Variants in EML1 observed in about 807,000 individuals in gnomAD.
EML1 encodes the protein echinoderm microtubule-associated protein-like 1.
Under a neutral mutation model 110.4 loss-of-function variants are expected in EML1, and 27 were observed. The observed-to-expected ratio is 0.24, with a 90% CI of 0.18 to 0.34. EML1 has a LOEUF of 0.34. EML1 is among the 10% of genes least tolerant of loss of function. The pLI is 1.00. For missense variants in EML1, 741 were observed against 1,030.9 expected (o/e 0.72, Z 3.85); for synonymous variants, 344 against 385.8 (o/e 0.89, Z 1.27).
At chr14:99,864,690 TAATCCCAG>T (rs1333745402) in intron 2 of EML1, among the ~76,000 whole-genome samples, 1 of 151,534 alleles carries the variant, frequency 6.6e-6, no homozygotes, top group Non-Finnish European at 1.5e-5. Flanking sequence ...CCAGCACCTG[TAATCCCAG>T]CTACTCAGGA....
chr14:99,792,261 C>G (rs1237818739), upstream of EML1, among the ~76,000 whole-genome samples: 2 of 152,202 alleles, frequency 1.3e-5, no homozygotes, highest in Non-Finnish European at 2.9e-5. Context: ...TTCACCTACT[C>G]TATTCAACCT....
intron 17 of EML1, among the ~76,000 whole-genome samples, chr14:99,931,419 G>A (rs1026991836): frequency 1.3e-5 from 2 of 152,198 alleles, no homozygotes; most frequent in African/African-American, 4.8e-5. Context: ...GGCGCTGTTG[G>A]GCTTGACTGA....
At chr14:99,817,262 G>A (rs1180468448) in intron 1 of EML1, among the ~76,000 whole-genome samples, 2 of 152,200 alleles carry the variant, frequency 1.3e-5, no homozygotes, top group Non-Finnish European at 2.9e-5. Flanking sequence ...TGAAAATGAT[G>A]TTCCCTCAGA....
At chr14:99,937,375 A>T (rs1182443928) in intron 19 of EML1, among the ~76,000 whole-genome samples, 1 of 152,156 alleles carries the variant, frequency 6.6e-6, no homozygotes, top group Non-Finnish European at 1.5e-5. Flanking sequence ...GGGAACACAC[A>T]AGTCCCCTGG....
intron 17 of EML1, among the ~76,000 whole-genome samples, chr14:99,934,175 G>A (rs2060425312): frequency 6.6e-6 from 1 of 152,176 alleles, no homozygotes; most frequent in Non-Finnish European, 1.5e-5. Context: ...TGTGTTTATT[G>A]CGGTCATCGT....
intron 3 of EML1, among the ~76,000 whole-genome samples, chr14:99,866,732 A>G (rs929962270): frequency 4.6e-5 from 7 of 152,154 alleles, no homozygotes; most frequent in East Asian, 1.9e-4. Context: ...GCCCTTGGCA[A>G]CCACCTCTCT....
At chr14:99,790,828 A>G (rs1426637816), upstream of EML1, among the ~76,000 whole-genome samples, 1 of 138,366 alleles carries the variant, frequency 7.2e-6, no homozygotes, top group African/African-American at 2.8e-5. Flanking sequence ...CCCTCCCCCC[A>G]TTTCCTTTCC....
chr14:99,752,779 G>T (rs757087155), intron 1 of EML1, among the ~76,000 whole-genome samples: 24 of 152,190 alleles, frequency 1.6e-4, no homozygotes, highest in Non-Finnish European at 3.4e-4. Context: ...AGAAAACAGG[G>T]TCAGTCGGGA....
At chr14:99,740,509 A>G (rs1157128739) in intron 1 of EML1, among the ~76,000 whole-genome samples, 1 of 152,208 alleles carries the variant, frequency 6.6e-6, no homozygotes, top group Non-Finnish European at 1.5e-5. Flanking sequence ...AAAATTCTGC[A>G]GAGCAGGAGC....
chr14:99,755,976 G>A (rs985756367), intron 1 of EML1, among the ~76,000 whole-genome samples: 18 of 152,294 alleles, frequency 1.2e-4, no homozygotes, highest in African/African-American at 3.8e-4. Context: ...GTCCCCTGCC[G>A]GCAAGTGGCA....
At chr14:99,909,577 G>T in intron 11 of EML1, 98 bp downstream of exon 11, 1 of 1,495,256 alleles carries the variant, frequency 6.7e-7, no homozygotes. Context: ...ACAATCCCTT[G>T]GGATCCCTCA....
At chr14:99,779,646 T>G (rs886186445) in intron 1 of EML1, among the ~76,000 whole-genome samples, 3 of 152,226 alleles carry the variant, frequency 2.0e-5, no homozygotes, top group Admixed American at 6.5e-5. Flanking sequence ...CTTCGTCATA[T>G]TCCCTAAAAA....
intron 4 of EML1, among the ~76,000 whole-genome samples, chr14:99,882,126 TTATG>T (rs2059395242): frequency 6.6e-6 from 1 of 152,244 alleles, no homozygotes; most frequent in South Asian, 2.1e-4. Flanking sequence ...GTATTTTACT[TTATG>T]TATTATTGAT....
At chr14:99,822,102 T>G (rs117232270) in intron 1 of EML1, among the ~76,000 whole-genome samples, 4,724 of 152,290 alleles carry the variant, frequency 0.031, 94 homozygotes, top group Non-Finnish European at 0.041. Context: ...CTCCAGGTGG[T>G]TGCAGATGAT....
At chr14:99,899,614 ACCTGCATTAATATT>A (rs2059727362) in intron 8 of EML1, 3 of 152,016 alleles carry the variant, frequency 2.0e-5, no homozygotes, top group Admixed American at 2.0e-4. Flanking sequence ...ACTGCGCCTG[ACCTGCATTAATATT>A]TTATACTTGA....
At chr14:99,921,920 G>A (rs1237189776) in intron 17 of EML1, among the ~76,000 whole-genome samples, 1 of 152,032 alleles carries the variant, frequency 6.6e-6, no homozygotes, top group East Asian at 1.9e-4. Context: ...CTCACCCCCA[G>A]TCCGAGGAAA....
At chr14:99,844,532 T>C (rs10484070) in intron 1 of EML1, among the ~76,000 whole-genome samples, 89,722 of 151,506 alleles carry the variant, frequency 0.59, 28,011 homozygotes, top group Non-Finnish European at 0.69. Flanking sequence ...CTTACTTAAA[T>C]GCTCATAAAA....
chr14:99,892,317 C>A, intron 5 of EML1: 2 of 557,418 alleles, frequency 3.6e-6, no homozygotes, highest in Non-Finnish European at 2.3e-6. Flanking sequence ...GTGTTGCAAA[C>A]CACTTCGATT....
intron 1 of EML1, among the ~76,000 whole-genome samples, chr14:99,759,824 T>C (rs529555238): frequency 6.6e-6 from 1 of 152,224 alleles, no homozygotes; most frequent in African/African-American, 2.4e-5. Flanking sequence ...TCAAGAGCTG[T>C]GAGACTAGGC....
Sources: allele counts gnomAD v4.1 joint callset (sites outside exome capture counted in the v4.1 genomes callset), GRCh38; gene constraint gnomAD v4.1.1; transcripts MANE v1.5; gene names NCBI Gene and HGNC (gene_info 2026-07-23, HGNC 2026-07-21).